Variants in SETBP1 observed in about 807,000 individuals in gnomAD.
SETBP1 encodes SET binding protein 1.
In SETBP1, 9 loss-of-function variants were observed where a neutral mutation model predicts 101.0. That is an observed-to-expected ratio of 0.09 (90% confidence interval 0.05 to 0.16). The LOEUF is 0.16. SETBP1 is among the 10% of genes least tolerant of loss of function. The probability of loss-of-function intolerance (pLI) is 1.00; values close to 1 mark genes in which losing one functional copy is unlikely to be tolerated. For synonymous variants in SETBP1, 818 were observed against 788.5 expected (o/e 1.04, Z -0.63); for missense variants, 1,858 against 2,033.8 (o/e 0.91, Z 1.66).
chr18:44,943,846 T>G (rs927741798), intron 3 of SETBP1, among the ~76,000 whole-genome samples: 3 of 151,646 alleles, frequency 2.0e-5, no homozygotes, highest in Non-Finnish European at 2.9e-5. Flanking sequence ...TTTTCTTTTT[T>G]TTTTTTGAGA....
chr18:44,771,215 A>T (rs183819105), intron 2 of SETBP1, among the ~76,000 whole-genome samples: 59 of 150,474 alleles, frequency 3.9e-4, no homozygotes, highest in Admixed American at 7.4e-4. Context: ...GGAGTTAGGG[A>T]CAGTCTAGAG....
At chr18:44,921,801 G>C (rs1282768905) in intron 3 of SETBP1, among the ~76,000 whole-genome samples, 1 of 152,132 alleles carries the variant, frequency 6.6e-6, no homozygotes, top group Non-Finnish European at 1.5e-5. Context: ...ATAAATGTCA[G>C]CATGAAGCTT....
intron 2 of SETBP1, among the ~76,000 whole-genome samples, chr18:44,836,895 T>C (rs1453231206): frequency 1.3e-5 from 2 of 152,190 alleles, no homozygotes; most frequent in Non-Finnish European, 2.9e-5. Flanking sequence ...GCCACTGCAG[T>C]TTTGGGGCCC....
intron 2 of SETBP1, among the ~76,000 whole-genome samples, chr18:44,796,587 G>T (rs1183836378): frequency 6.6e-6 from 1 of 152,196 alleles, no homozygotes; most frequent in Non-Finnish European, 1.5e-5. Context: ...TCTCATACAA[G>T]TCTCTCACAT....
chr18:44,783,804 G>T (rs1416334389), intron 2 of SETBP1, among the ~76,000 whole-genome samples: 1 of 152,208 alleles, frequency 6.6e-6, no homozygotes, highest in Non-Finnish European at 1.5e-5. Context: ...CCTGTAAGAG[G>T]TGAGTCTAGA....
intron 2 of SETBP1, among the ~76,000 whole-genome samples, chr18:44,779,077 G>A (rs574336821): frequency 4.6e-5 from 7 of 152,206 alleles, no homozygotes; most frequent in Non-Finnish European, 1.0e-4. Context: ...CCTTTCCTGG[G>A]TTGTTAAATG....
intron 4 of SETBP1, among the ~76,000 whole-genome samples, chr18:45,022,779 G>A (rs1467443922): frequency 2.0e-5 from 3 of 151,694 alleles, no homozygotes; most frequent in African/African-American, 4.8e-5. Context: ...GCAGTGAGCC[G>A]AGATCACACC....
At chr18:45,031,116 T>C (rs1263757202) in intron 4 of SETBP1, among the ~76,000 whole-genome samples, 1 of 152,168 alleles carries the variant, frequency 6.6e-6, no homozygotes, top group African/African-American at 2.4e-5. Flanking sequence ...GGTGTCAATT[T>C]TGGATCTTTC....
intron 3 of SETBP1, among the ~76,000 whole-genome samples, chr18:44,877,808 G>T (rs996271331): frequency 3.3e-5 from 5 of 152,104 alleles, no homozygotes; most frequent in Non-Finnish European, 2.9e-5. Context: ...CCTGGAGAAA[G>T]AAGTTCTCCA....
intron 2 of SETBP1, among the ~76,000 whole-genome samples, chr18:44,704,714 T>C (rs1326612102): frequency 6.6e-6 from 1 of 152,190 alleles, no homozygotes; most frequent in Non-Finnish European, 1.5e-5. Flanking sequence ...GCCTACTATG[T>C]GTGTGGAAAA....
chr18:44,854,887 C>T (rs1673602534), intron 2 of SETBP1, among the ~76,000 whole-genome samples: 1 of 152,232 alleles, frequency 6.6e-6, no homozygotes, highest in African/African-American at 2.4e-5. Flanking sequence ...TCTGCTGTCA[C>T]CTCCTACCAC....
rs79194749 is a variant in SETBP1, at chr18:44,854,562, C to T, written c.487-14668C>T. ...ACCAAGATGTTCATGGGCTATTGACCATGCCTACCCTACCACCTACCCACT... is the reference window on the plus strand; with the variant it reads ...ACCAAGATGTTCATGGGCTATTGACTATGCCTACCCTACCACCTACCCACT... On this transcript the variant is annotated intron_variant, in intron 2 of 5. Coordinates refer to ENST00000649279, the MANE Select transcript of SETBP1 (RefSeq NM_015559.3). Among the ~76,000 whole-genome samples, 795 of 152,294 alleles carry T rather than the reference C, an allele frequency of 5.2e-3. 7 individuals carry two copies. Among genetic ancestry groups the T allele is most frequent in the African/African-American group, 0.018 (738 of 41,566 alleles).
chr18:44,729,987 A>G (rs2069800203), intron 2 of SETBP1, among the ~76,000 whole-genome samples: 1 of 152,196 alleles, frequency 6.6e-6, no homozygotes, highest in African/African-American at 2.4e-5. Flanking sequence ...CATGTAGACT[A>G]ATCTTTGCAG....
chr18:45,058,951 C>T (rs2073850846), intron 5 of SETBP1, among the ~76,000 whole-genome samples: 1 of 152,188 alleles, frequency 6.6e-6, no homozygotes. Context: ...TCACGGGGAA[C>T]ATCTCCTCTT....
At chr18:44,936,164 C>A (rs990938469) in intron 3 of SETBP1, among the ~76,000 whole-genome samples, 2 of 152,220 alleles carry the variant, frequency 1.3e-5, no homozygotes, top group African/African-American at 4.8e-5. Flanking sequence ...CTTCATCCCT[C>A]AGAAGCCCAG....
At chr18:44,914,675 G>A (rs1568214505) in intron 3 of SETBP1, among the ~76,000 whole-genome samples, 1 of 152,194 alleles carries the variant, frequency 6.6e-6, no homozygotes, top group South Asian at 2.1e-4. Flanking sequence ...ACAGCCTTTA[G>A]ACTGAGGTGA....
At chr18:44,864,521 G>A (rs568709147) in intron 2 of SETBP1, among the ~76,000 whole-genome samples, 1 of 152,128 alleles carries the variant, frequency 6.6e-6, no homozygotes, top group Non-Finnish European at 1.5e-5. Flanking sequence ...ATGGAAGGCA[G>A]GGTCATCCTC....
intron 2 of SETBP1, among the ~76,000 whole-genome samples, chr18:44,851,153 A>T (rs988271488): frequency 2.6e-5 from 4 of 152,152 alleles, no homozygotes; most frequent in Non-Finnish European, 5.9e-5. Context: ...AAGTTAAAGG[A>T]ATTATTTACC....
At position 44,950,621 on chromosome 18, in the gene SETBP1, G is replaced by A; in HGVS notation, c.1281G>A (p.Val427=). The A allele has an allele frequency of 2.5e-6, 4 of 1,614,056 alleles. No individual in the cohort carries two copies. The highest frequency in any genetic ancestry group is 3.4e-6 in the Non-Finnish European group (4 of 1,180,020). The change falls in exon 4 of 6, where the codon GTG becomes GTA. Residue 427 remains valine, a synonymous_variant. Transcript: ENST00000649279. ...AAAAAAGACAGTCCATTAAAGCGGT[G>A]GTGGAAAAGATCATGCCAGAGAAAG... The part of the protein sequence containing the change: ...KRKKRQSIKA[V]VEKIMPEKAL...
Sources: allele counts gnomAD v4.1 joint callset (sites outside exome capture counted in the v4.1 genomes callset), GRCh38; gene constraint gnomAD v4.1.1; transcripts MANE v1.5; gene names NCBI Gene and HGNC (gene_info 2026-07-23, HGNC 2026-07-21).